ANKRD30B: variants seen among roughly 807,000 people sequenced by gnomAD.
The protein encoded by ANKRD30B is ankyrin repeat domain 30B, also known as ankyrin repeat domain-containing protein 30B.
ANKRD30B carries 144 observed loss-of-function variants against 202.2 expected under a neutral mutation model. The ratio of observed to expected loss-of-function variants is 0.71; its 90% CI spans 0.62 to 0.82. The LOEUF is 0.82. Ranked by LOEUF, ANKRD30B falls within the 40% of genes least tolerant of loss-of-function variation. ANKRD30B has a pLI of 0.00. For missense variants in ANKRD30B, 1,487 were observed against 1,669.1 expected, an observed-to-expected ratio of 0.89 and a Z score of 1.90; for synonymous variants, 508 against 561.3, an observed-to-expected ratio of 0.91 and a Z score of 1.34.
chr18:14,791,860 T>G (rs1173295473), intron 16 of ANKRD30B, among the ~76,000 whole-genome samples: 1 of 152,192 alleles, frequency 6.6e-6, no homozygotes, highest in East Asian at 1.9e-4. Flanking sequence ...GAAATGATTC[T>G]TTAGGAAAAG....
chr18:14,828,885 A>G (rs1032209355), intron 33 of ANKRD30B, among the ~76,000 whole-genome samples: 2 of 152,222 alleles, frequency 1.3e-5, no homozygotes, highest in Admixed American at 1.3e-4. Flanking sequence ...GGTAAATCCT[A>G]TAGATGGATT....
the ANKRD30B span, among the ~76,000 whole-genome samples, chr18:14,934,608 A>G: frequency 6.6e-6 from 1 of 152,104 alleles, no homozygotes. Context: ...GATGAAATGC[A>G]CTGGAGAGGC....
At chr18:14,804,177 G>T (rs1969359828) in intron 24 of ANKRD30B, among the ~76,000 whole-genome samples, 1 of 28,256 alleles carries the variant, frequency 3.5e-5, no homozygotes, top group Admixed American at 4.2e-4. Context: ...ATGGAGGATG[G>T]TAAAATGAAA....
At chr18:14,761,710 T>TTTTA (rs538761255) in intron 6 of ANKRD30B, among the ~76,000 whole-genome samples, 2,266 of 152,222 alleles carry the variant, frequency 0.015, 55 homozygotes, top group African/African-American at 0.052. Context: ...AGAAACATGG[T>TTTTA]TTTATTTATT....
chr18:14,939,022 G>A, the ANKRD30B span, among the ~76,000 whole-genome samples: 1 of 152,164 alleles, frequency 6.6e-6, no homozygotes, highest in Admixed American at 6.5e-5. Context: ...GGTTCTGGCA[G>A]CAATGAAAAC....
Position 14,799,228 on chromosome 18 carries a change from C to T in ANKRD30B, c.2064C>T (p.Thr688=), listed in dbSNP as rs1468438787. ...GTGTTTCCAAACCCATTTAGCCTAC[C>T]TGTGGAAGGAAAGTTTCTCTTCCAA... ...SPDNDGLLKP[T]CGRKVSLPNK... Residue 688 remains threonine (T), a synonymous_variant, in exon 22 of 44, where the codon ACC becomes ACT. Transcript: ENST00000690538. 6.4e-7 allele frequency: 1 copy of T among 1,571,918 alleles called. No homozygotes were observed. The highest frequency in any genetic ancestry group is 1.4e-5 in the African/African-American group (1 of 72,778).
At chr18:14,852,912 G>A (rs1971949399) in intron 42 of ANKRD30B, among the ~76,000 whole-genome samples, 1 of 152,066 alleles carries the variant, frequency 6.6e-6, no homozygotes, top group South Asian at 2.1e-4. Context: ...TTTTTAAGTA[G>A]CTTTTTATAT....
At chr18:14,856,300 C>A (rs1441022745), downstream of ANKRD30B, among the ~76,000 whole-genome samples, 7 of 102,464 alleles carry the variant, frequency 6.8e-5, no homozygotes, top group Admixed American at 9.2e-5. Context: ...TCCCCATTCC[C>A]AGATGGGGTG....
chr18:14,883,465 A>G, the ANKRD30B span: 759 of 145,718 alleles, frequency 5.2e-3, 5 homozygotes, highest in African/African-American at 0.019. Flanking sequence ...CTATATATCT[A>G]TAGATATATA....
intron 8 of ANKRD30B, among the ~76,000 whole-genome samples, chr18:14,771,212 G>A (rs979310263): frequency 3.9e-5 from 6 of 152,150 alleles, no homozygotes; most frequent in African/African-American, 1.4e-4. Flanking sequence ...GCTTTGATGA[G>A]CTGAATATTT....
chr18:14,895,699 T>C, the ANKRD30B span, among the ~76,000 whole-genome samples: 54 of 152,348 alleles, frequency 3.5e-4, no homozygotes, highest in African/African-American at 1.3e-3. Context: ...TAAAAAGGTA[T>C]TGAGCTGTGA....
intron 30 of ANKRD30B, among the ~76,000 whole-genome samples, chr18:14,821,948 G>T (rs549921707): frequency 8.5e-5 from 13 of 152,130 alleles, no homozygotes; most frequent in Non-Finnish European, 1.9e-4. Flanking sequence ...AACATTCTCT[G>T]CAATGATAAG....
chr18:14,845,716 A>G (rs1276488093), intron 39 of ANKRD30B, among the ~76,000 whole-genome samples: 1 of 152,054 alleles, frequency 6.6e-6, no homozygotes, highest in Non-Finnish European at 1.5e-5. Flanking sequence ...GGAGCTTATC[A>G]ACAACATAAA....
the ANKRD30B span, among the ~76,000 whole-genome samples, chr18:14,901,927 G>A: frequency 9.7e-4 from 148 of 152,176 alleles, no homozygotes; most frequent in African/African-American, 2.5e-3. Flanking sequence ...TTTTTATGCC[G>A]CTGATAAAGA....
intron 39 of ANKRD30B, among the ~76,000 whole-genome samples, chr18:14,844,040 A>G (rs1198953465): frequency 6.6e-6 from 1 of 152,192 alleles, no homozygotes; most frequent in African/African-American, 2.4e-5. Flanking sequence ...TATGTAAATA[A>G]TTGTACATTG....
At chr18:14,937,364 T>A in the ANKRD30B span, among the ~76,000 whole-genome samples, 23 of 151,972 alleles carry the variant, frequency 1.5e-4, no homozygotes, top group African/African-American at 5.3e-4. Flanking sequence ...GGAGTTAGAG[T>A]AAACGGGGGT....
the ANKRD30B span, among the ~76,000 whole-genome samples, chr18:14,922,992 C>G: frequency 6.6e-6 from 1 of 152,190 alleles, no homozygotes. Flanking sequence ...GAATACGTAT[C>G]TAGACACATC....
At chr18:14,939,382 C>T in the ANKRD30B span, among the ~76,000 whole-genome samples, 1 of 152,180 alleles carries the variant, frequency 6.6e-6, no homozygotes, top group Non-Finnish European at 1.5e-5. Context: ...CCCAGGGAGC[C>T]TCCTCACACC....
chr18:14,875,980 A>G, the ANKRD30B span, among the ~76,000 whole-genome samples: 2,131 of 152,142 alleles, frequency 0.014, 50 homozygotes, highest in African/African-American at 0.049. Context: ...TTCATGTCCC[A>G]TGGTCAAGGT....
Sources: gnomAD v4.1 joint callset for allele counts (sites outside exome capture counted in the v4.1 genomes callset) on GRCh38, gnomAD v4.1.1 for gene constraint, MANE v1.5 for transcripts, NCBI Gene and HGNC (gene_info 2026-07-23, HGNC 2026-07-21) for gene names.